Variants in WDR70 observed in about 807,000 individuals in gnomAD.
The protein encoded by WDR70 is WD repeat-containing protein 70.
A neutral mutation model predicts 88.6 loss-of-function variants in WDR70; 53 were observed. The observed-to-expected ratio is 0.60, with a 90% CI of 0.48 to 0.75. The LOEUF is 0.75. Among genes scored for constraint, WDR70 ranks in the 30% least tolerant of loss-of-function variants. The probability of loss-of-function intolerance (pLI) is 0.00; values close to 1 mark genes in which losing one functional copy is unlikely to be tolerated. For synonymous variants in WDR70, 280 were observed against 270.0 expected, an observed-to-expected ratio of 1.04 and a Z score of -0.36; for missense variants, 610 against 823.2, an observed-to-expected ratio of 0.74 and a Z score of 3.17.
At chr5:37,396,346 G>T in intron 4 of WDR70, 29 bp from the exon 5 acceptor site, 2 of 1,576,316 alleles carry the variant, frequency 1.3e-6, no homozygotes, top group Non-Finnish European at 1.7e-6. Flanking sequence ...TGCAGCAGAG[G>T]CAAAGAGTTT....
At position 37,474,898 on chromosome 5, in the gene WDR70, T is replaced by C. The variant is rs140694011; in HGVS notation, c.687-4936T>C. 4.3e-3 allele frequency among the ~76,000 whole-genome samples: 659 copies of C among 152,264 alleles called. 8 individuals carry two copies. The highest frequency in any genetic ancestry group is 4.2e-3 in the Non-Finnish European group (289 of 68,018). On this transcript the variant is annotated intron_variant, in intron 7 of 17. Transcript: ENST00000265107. Reference sequence around the variant, plus strand: ...GAAATTTCCTTTTTATCTCCAGTAATGTTCCTTTATTTTATTATTTTTATT... The same window carrying C: ...GAAATTTCCTTTTTATCTCCAGTAACGTTCCTTTATTTTATTATTTTTATT...
intron 13 of WDR70, among the ~76,000 whole-genome samples, chr5:37,713,367 A>G (rs1252023029): frequency 6.6e-6 from 1 of 152,224 alleles, no homozygotes; most frequent in Non-Finnish European, 1.5e-5. Context: ...TTGCAAATGA[A>G]GATTTTTCTG....
intron 8 of WDR70, among the ~76,000 whole-genome samples, chr5:37,502,079 T>C (rs1740420000): frequency 6.6e-6 from 1 of 152,238 alleles, no homozygotes; most frequent in Non-Finnish European, 1.5e-5. Context: ...GGGACATATT[T>C]ACATTTGTTT....
intron 9 of WDR70, among the ~76,000 whole-genome samples, chr5:37,520,861 G>A (rs1258799766): frequency 6.6e-6 from 1 of 152,154 alleles, no homozygotes; most frequent in Non-Finnish European, 1.5e-5. Context: ...GTTTAAATAG[G>A]AAACAAGACA....
intron 3 of WDR70, among the ~76,000 whole-genome samples, chr5:37,387,616 T>C (rs1424257309): frequency 6.6e-6 from 1 of 151,276 alleles, no homozygotes; most frequent in East Asian, 1.9e-4. Flanking sequence ...ATAGAAGTAG[T>C]ATTCATCATT....
At chr5:37,669,977 C>A (rs1480770410) in intron 10 of WDR70, among the ~76,000 whole-genome samples, 1 of 152,092 alleles carries the variant, frequency 6.6e-6, no homozygotes, top group African/African-American at 2.4e-5. Context: ...GGCAAATCTA[C>A]ACAGAAACTA....
In WDR70 at chr5:37,516,253, C is replaced by A. The variant is rs369667780; in HGVS notation, c.841-261C>A. Among the ~76,000 whole-genome samples the A allele has an allele frequency of 2.5e-4, 38 of 152,272 alleles. 2 individuals are homozygous for A. In the South Asian group the frequency reaches 7.7e-3, roughly 31 times the overall value. On this transcript the variant is annotated intron_variant, in intron 8 of 17. Transcript: ENST00000265107. ...ATGTCATTTTCCTCTCCATTTCCCA[C>A]CTTACTAAGCACCTGTTACATACAA...
At chr5:37,718,037 A>G (rs930347111) in intron 13 of WDR70, among the ~76,000 whole-genome samples, 1 of 152,180 alleles carries the variant, frequency 6.6e-6, no homozygotes, top group Non-Finnish European at 1.5e-5. Flanking sequence ...ACTCATTGCC[A>G]CAGTGCATGG....
intron 11 of WDR70, 160 bp downstream of exon 11, chr5:37,697,914 G>A: frequency 5.8e-6 from 3 of 521,276 alleles, no homozygotes; most frequent in Non-Finnish European, 9.8e-6. Flanking sequence ...TTCTAACTTT[G>A]CAACATTGTT....
intron 12 of WDR70, among the ~76,000 whole-genome samples, chr5:37,701,567 A>C (rs1032919786): frequency 6.6e-6 from 1 of 152,152 alleles, no homozygotes; most frequent in African/African-American, 2.4e-5. Context: ...AGGCGGGCAG[A>C]TCACGAGGTC....
chr5:37,542,798 A>G (rs897937743), intron 9 of WDR70, among the ~76,000 whole-genome samples: 11 of 152,204 alleles, frequency 7.2e-5, no homozygotes, highest in African/African-American at 2.7e-4. Context: ...ACAGTTGGGG[A>G]AATTTTTATT....
chr5:37,471,442 A>G (rs1019376197), intron 7 of WDR70, among the ~76,000 whole-genome samples: 7 of 147,418 alleles, frequency 4.7e-5, no homozygotes, highest in African/African-American at 1.0e-4. Flanking sequence ...TCTTTTGGCC[A>G]TTTTTCCGGT....
intron 10 of WDR70, among the ~76,000 whole-genome samples, chr5:37,677,884 A>T (rs1425078014): frequency 6.6e-6 from 1 of 152,086 alleles, no homozygotes; most frequent in Admixed American, 6.5e-5. Flanking sequence ...TTTGTAGGTC[A>T]CTCAGGACTT....
chr5:37,465,250 A>G (rs1267921888), intron 7 of WDR70, among the ~76,000 whole-genome samples: 3 of 152,124 alleles, frequency 2.0e-5, no homozygotes, highest in African/African-American at 7.2e-5. Flanking sequence ...CTCCTTTCTC[A>G]TGGGCATCTG....
At chr5:37,723,003 T>C (rs1351147183) in intron 15 of WDR70, 69 bp downstream of exon 15, 3 of 1,570,110 alleles carry the variant, frequency 1.9e-6, no homozygotes, top group African/African-American at 2.7e-5. Context: ...ATTGCATAGC[T>C]TTAGAGACAG....
chr5:37,498,139 A>G (rs1050252083), intron 8 of WDR70, among the ~76,000 whole-genome samples: 1 of 152,150 alleles, frequency 6.6e-6, no homozygotes. Flanking sequence ...CAAAATTGAG[A>G]TGAATTTTAC....
intron 5 of WDR70, among the ~76,000 whole-genome samples, chr5:37,418,056 A>C (rs927661605): frequency 6.6e-6 from 1 of 152,214 alleles, no homozygotes; most frequent in African/African-American, 2.4e-5. Flanking sequence ...TGATTGGAAA[A>C]GAGAAAATTG....
chr5:37,587,828 G>A (rs1015435784), intron 9 of WDR70, among the ~76,000 whole-genome samples: 4 of 146,832 alleles, frequency 2.7e-5, no homozygotes, highest in African/African-American at 7.6e-5. Context: ...CGCCCAGGCT[G>A]GAGTGCAGTG....
intron 10 of WDR70, among the ~76,000 whole-genome samples, chr5:37,634,145 A>C (rs558865619): frequency 6.6e-6 from 1 of 151,992 alleles, no homozygotes; most frequent in South Asian, 2.1e-4. Flanking sequence ...TAAAAATACA[A>C]AAAATTAGCT....
Sources: gnomAD v4.1 joint callset for allele counts (sites outside exome capture counted in the v4.1 genomes callset) on GRCh38, gnomAD v4.1.1 for gene constraint, MANE v1.5 for transcripts, NCBI Gene and HGNC (gene_info 2026-07-23, HGNC 2026-07-21) for gene names.